The following EMSY variants were observed in gnomAD, a reference collection of about 807,000 sequenced individuals.
EMSY encodes the protein EMSY transcriptional repressor, BRCA2 interacting, also known as BRCA2-interacting transcriptional repressor EMSY.
In EMSY, 26 loss-of-function variants were observed where a neutral mutation model predicts 134.6. The ratio of observed to expected loss-of-function variants is 0.19; its 90% CI spans 0.14 to 0.27. The LOEUF is 0.27. Ranked by LOEUF, EMSY falls within the 10% of genes least tolerant of loss-of-function variation. The pLI, the probability that EMSY is intolerant of heterozygous loss-of-function variation, is 1.00. For missense variants in EMSY, 1,305 were observed against 1,611.4 expected, an observed-to-expected ratio of 0.81 and a Z score of 3.26; for synonymous variants, 579 against 577.8, an observed-to-expected ratio of 1.00 and a Z score of -0.03.
chr11:76,532,477 G>A (rs142405776), intron 14 of EMSY, among the ~76,000 whole-genome samples: 34 of 151,594 alleles, frequency 2.2e-4, no homozygotes, highest in East Asian at 1.7e-3. Flanking sequence ...GGCCATCCTC[G>A]CCTAGGTCAC....
intron 12 of EMSY, 129 bp downstream of exon 13, chr11:76,523,420 A>G (rs1950718257): frequency 3.9e-6 from 4 of 1,029,972 alleles, no homozygotes; most frequent in Non-Finnish European, 4.1e-6. Context: ...CTGCTGGGAT[A>G]TAACAACTGT....
intron 9 of EMSY, among the ~76,000 whole-genome samples, chr11:76,500,171 A>G (rs183561311): frequency 6.6e-6 from 1 of 152,142 alleles, no homozygotes; most frequent in East Asian, 1.9e-4. Context: ...TCTATATTTG[A>G]AATAATTTTA....
intron 2 of EMSY, 87 bp downstream of exon 2, chr11:76,447,095 T>C: frequency 8.2e-7 from 1 of 1,214,498 alleles, no homozygotes; most frequent in South Asian, 1.3e-5. Flanking sequence ...ATGGATGTCA[T>C]ATCTCACGCT....
chr11:76,516,375 T>TA, intron 11 of EMSY, 63 bp downstream of exon 12: 2 of 1,231,788 alleles, frequency 1.6e-6, no homozygotes, highest in South Asian at 1.8e-5. Flanking sequence ...AAAAAAAACT[T>TA]ACTTCATTGA....
intron 8 of EMSY, among the ~76,000 whole-genome samples, chr11:76,490,124 ATGTTCCT>A (rs1949360686): frequency 6.6e-6 from 1 of 151,274 alleles, no homozygotes; most frequent in Non-Finnish European, 1.5e-5. Context: ...TTTGTCTCAT[ATGTTCCT>A]TGTTCCTTTT....
chr11:76,548,938 A>C (rs1224130529), intron 20 of EMSY, among the ~76,000 whole-genome samples: 1 of 152,212 alleles, frequency 6.6e-6, no homozygotes, highest in Admixed American at 6.5e-5. Flanking sequence ...GCCTTGTTCA[A>C]AGCTCTGGGC....
At chr11:76,468,016 C>T (rs577813381) in intron 7 of EMSY, among the ~76,000 whole-genome samples, 1 of 151,034 alleles carries the variant, frequency 6.6e-6, no homozygotes, top group South Asian at 2.1e-4. Context: ...TAACGTAGTA[C>T]ATACAGTGAG....
chr11:76,455,660 T>G (rs1947841974), intron 4 of EMSY, among the ~76,000 whole-genome samples: 1 of 150,954 alleles, frequency 6.6e-6, no homozygotes. Context: ...ACAAAAGGAG[T>G]GGGATATCTG....
chr11:76,451,024 T>C (rs998725623), intron 2 of EMSY, among the ~76,000 whole-genome samples: 1 of 152,054 alleles, frequency 6.6e-6, no homozygotes, highest in Non-Finnish European at 1.5e-5. Flanking sequence ...CTCGAACTCT[T>C]GGACTCAAGC....
intron 14 of EMSY, among the ~76,000 whole-genome samples, chr11:76,531,975 A>T (rs1245254619): frequency 2.0e-5 from 3 of 152,132 alleles, no homozygotes; most frequent in African/African-American, 7.2e-5. Context: ...AACTGTCTCC[A>T]TATAGGCTAG....
At chr11:76,504,213 T>C (rs1949988717) in intron 9 of EMSY, among the ~76,000 whole-genome samples, 1 of 151,484 alleles carries the variant, frequency 6.6e-6, no homozygotes, top group African/African-American at 2.4e-5. Flanking sequence ...AAATATAAAC[T>C]GTACCATTTT....
chr11:76,548,135 TCTGTGTAGAG>T (rs1951717693), intron 20 of EMSY, among the ~76,000 whole-genome samples: 1 of 152,238 alleles, frequency 6.6e-6, no homozygotes, highest in Admixed American at 6.5e-5. Context: ...TAGTCAAGTG[TCTGTGTAGAG>T]CAATGCTCAA....
chr11:76,538,174 A>G (rs1442078873), intron 16 of EMSY, among the ~76,000 whole-genome samples: 1 of 152,258 alleles, frequency 6.6e-6, no homozygotes, highest in African/African-American at 2.4e-5. Flanking sequence ...CAAGTCAGCC[A>G]TAAATAACAA....
intron 13 of EMSY, among the ~76,000 whole-genome samples, chr11:76,528,015 A>G (rs1176180327): frequency 6.6e-6 from 1 of 152,070 alleles, no homozygotes; most frequent in East Asian, 1.9e-4. Flanking sequence ...GTTGTAGGCA[A>G]ACAGGCACAA....
Position 76,510,196 on chromosome 11 carries a change from T to C in EMSY, c.1364-3190T>C, listed in dbSNP as rs1298729109. On this transcript the variant is annotated intron_variant, in intron 9 of 20. Transcript: ENST00000334736. ...AAGCAAGACCCTATCTCTACAAAAA[T>C]AGTAAAATTAGCTGAGTGTGGTGGC... Among the ~76,000 whole-genome samples the C allele has an allele frequency of 3.3e-5, 5 of 152,216 alleles. No individual in the cohort carries two copies. The East Asian group carries it at 7.7e-4, about 24-fold the overall frequency.
chr11:76,455,454 C>T (rs559278577), intron 4 of EMSY, among the ~76,000 whole-genome samples: 2 of 152,192 alleles, frequency 1.3e-5, no homozygotes, highest in African/African-American at 4.8e-5. Flanking sequence ...GCAACAGAGC[C>T]TAGTTCCAAA....
intron 8 of EMSY, among the ~76,000 whole-genome samples, chr11:76,481,806 G>A (rs1028873100): frequency 2.0e-5 from 3 of 152,316 alleles, no homozygotes; most frequent in Admixed American, 1.3e-4. Flanking sequence ...GGGAAGGGGC[G>A]GCTGTGGGCA....
exon 12 of EMSY, chr11:76,523,194 A>G (rs1425129516): frequency 6.2e-7 from 1 of 1,613,642 alleles, no homozygotes; most frequent in African/African-American, 1.3e-5. Flanking sequence ...ATGACTTCCA[A>G]GCCCAACGTG....
intron 2 of EMSY, among the ~76,000 whole-genome samples, chr11:76,451,409 C>T (rs138771870): frequency 6.6e-6 from 1 of 152,280 alleles, no homozygotes; most frequent in Non-Finnish European, 1.5e-5. Context: ...ATACTATTTA[C>T]AGTACTTTCG....
Sources: allele counts gnomAD v4.1 joint callset (sites outside exome capture counted in the v4.1 genomes callset), GRCh38; gene constraint gnomAD v4.1.1; transcripts MANE v1.5; gene names NCBI Gene and HGNC (gene_info 2026-07-23, HGNC 2026-07-21).